SPTSSA: variants seen among roughly 807,000 people sequenced by gnomAD.
SPTSSA encodes the protein small subunit of serine palmitoyltransferase A.
Under a neutral mutation model 9.1 loss-of-function variants are expected in SPTSSA, and 8 were observed. The ratio of observed to expected loss-of-function variants is 0.88; its 90% CI spans 0.51 to 1.58. SPTSSA has a LOEUF of 1.58. Ranked by LOEUF, SPTSSA falls within the 40% of genes most tolerant of loss-of-function variation. The probability of loss-of-function intolerance (pLI) is 0.00; values close to 1 mark genes in which losing one functional copy is unlikely to be tolerated. For missense variants in SPTSSA, 100 were observed against 93.8 expected (o/e 1.07, Z -0.27); for synonymous variants, 42 against 37.7 (o/e 1.11, Z -0.41).
chr14:34,449,852 C>T (rs1883488738), intron 1 of SPTSSA, among the ~76,000 whole-genome samples: 1 of 152,216 alleles, frequency 6.6e-6, no homozygotes. Flanking sequence ...CAAAGCTAAA[C>T]ATATACATAA....
intron 1 of SPTSSA, among the ~76,000 whole-genome samples, chr14:34,444,612 C>A (rs569094145): frequency 6.6e-6 from 1 of 151,880 alleles, no homozygotes; most frequent in African/African-American, 2.4e-5. Flanking sequence ...ATTAGCTGGG[C>A]GTGGTGGCAG....
At chr14:34,444,874 C>G (rs991079425) in intron 1 of SPTSSA, among the ~76,000 whole-genome samples, 2 of 151,874 alleles carry the variant, frequency 1.3e-5, no homozygotes, top group African/African-American at 2.4e-5. Flanking sequence ...GAGGGCGAAT[C>G]TGAGGTCAGG....
At chr14:34,451,507 A>C (rs1226095782) in intron 1 of SPTSSA, among the ~76,000 whole-genome samples, 2 of 151,962 alleles carry the variant, frequency 1.3e-5, no homozygotes, top group East Asian at 1.9e-4. Context: ...GCAGATCACG[A>C]GGTCAGGAGA....
rs1883210147 is a variant in SPTSSA at position 34,434,592 on chromosome 14, TTTTTCA to T, written c.*603_*608del. 6.6e-6 allele frequency: 1 copy of T among 152,654 alleles called. No individual in the cohort carries two copies. The highest frequency in any genetic ancestry group is 1.5e-5 in the Non-Finnish European group (1 of 68,032). The allele number at this position is 152,654 out of a possible 1,614,324, so 9.5% of individuals were successfully genotyped here. A position where few individuals can be genotyped will look rare whatever the true frequency, so the allele number is the denominator to read the frequency against. On this transcript the variant is annotated 3_prime_UTR_variant, in exon 2 of 2. Coordinates refer to ENST00000298130, the MANE Select transcript of SPTSSA (RefSeq NM_138288.4). ...ATTTTAACTTTAGCAAGATCTTTTC[TTTTTCA>T]TTAAGAAACACTTTAATAATTTTAA...
chr14:34,451,454 T>C (rs1883519074), intron 1 of SPTSSA, among the ~76,000 whole-genome samples: 1 of 152,218 alleles, frequency 6.6e-6, no homozygotes, highest in African/African-American at 2.4e-5. Context: ...CTGGGCGCGG[T>C]AGCTCACACC....
chr14:34,437,876 C>T (rs1883263186), intron 1 of SPTSSA, among the ~76,000 whole-genome samples: 1 of 152,146 alleles, frequency 6.6e-6, no homozygotes, highest in South Asian at 2.1e-4. Context: ...TCATAGTTCA[C>T]CACAGCCTCG....
intron 1 of SPTSSA, among the ~76,000 whole-genome samples, chr14:34,458,089 A>C (rs1488066047): frequency 6.6e-6 from 1 of 152,228 alleles, no homozygotes; most frequent in Non-Finnish European, 1.5e-5. Flanking sequence ...AACTATTCAC[A>C]ATGTGTCTGA....
At chr14:34,455,331 G>A (rs1176773049) in intron 1 of SPTSSA, among the ~76,000 whole-genome samples, 1 of 151,876 alleles carries the variant, frequency 6.6e-6, no homozygotes, top group African/African-American at 2.4e-5. Context: ...AGGTTGCAAG[G>A]AGCCAAGTTC....
At chr14:34,455,843 G>A (rs938612647) in intron 1 of SPTSSA, among the ~76,000 whole-genome samples, 1 of 151,704 alleles carries the variant, frequency 6.6e-6, no homozygotes, top group African/African-American at 2.4e-5. Flanking sequence ...GAGGAATGAG[G>A]ATTGCTTGAA....
chr14:34,461,371 T>C (rs1209343074), intron 1 of SPTSSA, among the ~76,000 whole-genome samples: 3 of 152,220 alleles, frequency 2.0e-5, no homozygotes, highest in Non-Finnish European at 4.4e-5. Flanking sequence ...TTTGCACAAA[T>C]GCTTTGCTTA....
chr14:34,435,766 A>T (rs550876598), intron 1 of SPTSSA, among the ~76,000 whole-genome samples: 1 of 150,688 alleles, frequency 6.6e-6, no homozygotes, highest in African/African-American at 2.4e-5. Flanking sequence ...AGTAGCTGGG[A>T]TTACAGGTGC....
intron 1 of SPTSSA, among the ~76,000 whole-genome samples, chr14:34,451,516 G>A (rs1362701209): frequency 1.3e-5 from 2 of 152,112 alleles, no homozygotes; most frequent in Non-Finnish European, 2.9e-5. Flanking sequence ...GAGGTCAGGA[G>A]ATCGAGACCG....
rs557710637 is a variant in SPTSSA, at chr14:34,456,106, G to A, written c.112+5990C>T. ...TGGGAGGCGGAGGCAGGCGGATCAC[G>A]AGGTCAGGAGATCGAGACCATCCGG... On this transcript the variant is annotated intron_variant, in intron 1 of 1. Coordinates refer to ENST00000298130, the MANE Select transcript of SPTSSA (RefSeq NM_138288.4). Among the ~76,000 whole-genome samples the A allele has an allele frequency of 9.3e-5, 14 of 151,194 alleles. No homozygotes were observed. In the South Asian group the frequency reaches 1.7e-3, roughly 18 times the overall value.
intron 1 of SPTSSA, among the ~76,000 whole-genome samples, chr14:34,459,843 T>G (rs1798103998): frequency 6.6e-6 from 1 of 152,140 alleles, no homozygotes; most frequent in South Asian, 2.1e-4. Context: ...GACTTCTAAC[T>G]CAGAGACAAA....
At chr14:34,454,286 C>T (rs776660973) in intron 1 of SPTSSA, among the ~76,000 whole-genome samples, 18 of 152,266 alleles carry the variant, frequency 1.2e-4, no homozygotes, top group Non-Finnish European at 2.1e-4. Flanking sequence ...GAGACAGGAC[C>T]TATAGTGATC....
intron 1 of SPTSSA, among the ~76,000 whole-genome samples, chr14:34,450,685 T>G (rs1006937613): frequency 6.6e-5 from 10 of 152,232 alleles, no homozygotes; most frequent in African/African-American, 2.2e-4. Context: ...AAACACTGAC[T>G]TTTAAGTGTT....
At chr14:34,444,516 G>A (rs1427718702) in intron 1 of SPTSSA, among the ~76,000 whole-genome samples, 1 of 152,180 alleles carries the variant, frequency 6.6e-6, no homozygotes, top group East Asian at 1.9e-4. Context: ...CACTTTGGGA[G>A]GCCGACGTGG....
At chr14:34,446,399 C>G (rs1883423142) in intron 1 of SPTSSA, among the ~76,000 whole-genome samples, 1 of 152,190 alleles carries the variant, frequency 6.6e-6, no homozygotes, top group Non-Finnish European at 1.5e-5. Flanking sequence ...TTGCCTACAT[C>G]TCTACAAACA....
chr14:34,440,554 A>G (rs1477080898), intron 1 of SPTSSA, among the ~76,000 whole-genome samples: 1 of 152,214 alleles, frequency 6.6e-6, no homozygotes, highest in Non-Finnish European at 1.5e-5. Flanking sequence ...ACACGCATAT[A>G]TTAGCCTAAC....
Sources: allele counts gnomAD v4.1 joint callset (sites outside exome capture counted in the v4.1 genomes callset), GRCh38; gene constraint gnomAD v4.1.1; transcripts MANE v1.5; gene names NCBI Gene and HGNC (gene_info 2026-07-23, HGNC 2026-07-21).